Variants in LDLRAD3 observed in about 807,000 individuals in gnomAD.
LDLRAD3 encodes the protein low density lipoprotein receptor class A domain containing 3.
LDLRAD3 carries 20 observed loss-of-function variants against 29.4 expected under a neutral mutation model. The ratio of observed to expected loss-of-function variants is 0.68; its 90% CI spans 0.48 to 0.99. The LOEUF is 0.99. Among genes scored for constraint, LDLRAD3 ranks in the 50% least tolerant of loss-of-function variants. The pLI, the probability that LDLRAD3 is intolerant of heterozygous loss-of-function variation, is 0.00. For missense variants in LDLRAD3, 420 were observed against 454.3 expected, an observed-to-expected ratio of 0.92 and a Z score of 0.69; for synonymous variants, 157 against 192.7, an observed-to-expected ratio of 0.81 and a Z score of 1.53.
chr11:35,947,659 A>G (rs1339058092), intron 1 of LDLRAD3, among the ~76,000 whole-genome samples: 2 of 152,210 alleles, frequency 1.3e-5, no homozygotes, highest in Non-Finnish European at 2.9e-5. Context: ...TGCCAAGGAT[A>G]TCATGTGGCA....
intron 1 of LDLRAD3, among the ~76,000 whole-genome samples, chr11:36,001,784 T>C (rs1010311759): frequency 4.0e-5 from 6 of 149,012 alleles, no homozygotes; most frequent in African/African-American, 1.5e-4. Context: ...TGTGTGTGTG[T>C]GTGTGTGTGC....
chr11:36,088,403 A>G (rs1853227666), intron 3 of LDLRAD3, among the ~76,000 whole-genome samples: 3 of 152,050 alleles, frequency 2.0e-5, no homozygotes. Flanking sequence ...AAATTGATTC[A>G]AGCTGAAGAT....
chr11:36,193,865 A>C (rs1854992648), intron 4 of LDLRAD3, among the ~76,000 whole-genome samples: 1 of 152,100 alleles, frequency 6.6e-6, no homozygotes, highest in South Asian at 2.1e-4. Context: ...ATTTGGATTC[A>C]GATCTTAGCT....
At chr11:35,957,225 A>G (rs573440167) in intron 1 of LDLRAD3, among the ~76,000 whole-genome samples, 19 of 152,344 alleles carry the variant, frequency 1.2e-4, no homozygotes, top group African/African-American at 4.6e-4. Flanking sequence ...CGTGGAATAT[A>G]ATTTCATGTC....
At chr11:36,206,357 A>C (rs1003721685) in intron 4 of LDLRAD3, among the ~76,000 whole-genome samples, 1 of 152,236 alleles carries the variant, frequency 6.6e-6, no homozygotes, top group Non-Finnish European at 1.5e-5. Flanking sequence ...GGTTATAAAC[A>C]TGACTGAGAG....
chr11:36,172,178 A>G (rs1301306507), intron 4 of LDLRAD3, among the ~76,000 whole-genome samples: 2 of 152,190 alleles, frequency 1.3e-5, no homozygotes, highest in African/African-American at 4.8e-5. Flanking sequence ...TTGATTTTGT[A>G]TCCTGAAACT....
intron 4 of LDLRAD3, among the ~76,000 whole-genome samples, chr11:36,110,774 A>G (rs552995002): frequency 7.2e-5 from 11 of 152,374 alleles, no homozygotes; most frequent in Admixed American, 7.2e-4. Flanking sequence ...CCTGCAGATA[A>G]TTACCCTCAA....
At chr11:36,008,599 T>TA (rs1413087209) in intron 1 of LDLRAD3, among the ~76,000 whole-genome samples, 1 of 152,200 alleles carries the variant, frequency 6.6e-6, no homozygotes, top group Admixed American at 6.5e-5. Context: ...AATATATATA[T>TA]TTTTTATCTG....
intron 1 of LDLRAD3, among the ~76,000 whole-genome samples, chr11:36,032,231 C>T (rs1296555201): frequency 6.6e-6 from 1 of 152,154 alleles, no homozygotes; most frequent in African/African-American, 2.4e-5. Flanking sequence ...ACAATTGAGC[C>T]TGTTACACAG....
intron 1 of LDLRAD3, among the ~76,000 whole-genome samples, chr11:35,954,516 C>T (rs954453148): frequency 1.3e-5 from 2 of 152,116 alleles, no homozygotes; most frequent in African/African-American, 4.8e-5. Flanking sequence ...GTAAGTTACC[C>T]TACAAGAAGG....
chr11:35,978,477 TCTTGATGTACTAAACTC>T (rs1467716011), intron 1 of LDLRAD3, among the ~76,000 whole-genome samples: 6 of 152,174 alleles, frequency 3.9e-5, no homozygotes, highest in Admixed American at 6.5e-5. Flanking sequence ...TGGTAGCTCT[TCTTGATGTACTAAACTC>T]CTTGATTCAA....
intron 4 of LDLRAD3, among the ~76,000 whole-genome samples, chr11:36,103,349 T>G (rs1853478770): frequency 6.6e-6 from 1 of 150,696 alleles, no homozygotes; most frequent in African/African-American, 2.4e-5. Context: ...ACCATTCTCC[T>G]GCCTCAGCCT....
chr11:36,176,412 G>A (rs1220050759), intron 4 of LDLRAD3, among the ~76,000 whole-genome samples: 2 of 151,446 alleles, frequency 1.3e-5, no homozygotes, highest in Non-Finnish European at 2.9e-5. Context: ...AGGCCCTGTG[G>A]GATTTATGCT....
At chr11:36,164,616 G>C (rs1352014054) in intron 4 of LDLRAD3, among the ~76,000 whole-genome samples, 1 of 152,238 alleles carries the variant, frequency 6.6e-6, no homozygotes, top group African/African-American at 2.4e-5. Flanking sequence ...AGCCCTGTGT[G>C]GCAGATCCCC....
chr11:35,992,934 A>G (rs1851707921), intron 1 of LDLRAD3, among the ~76,000 whole-genome samples: 1 of 152,234 alleles, frequency 6.6e-6, no homozygotes, highest in Non-Finnish European at 1.5e-5. Flanking sequence ...GAATCAAAAC[A>G]TACCCTTCAT....
intron 2 of LDLRAD3, among the ~76,000 whole-genome samples, chr11:36,077,158 A>T (rs147421897): frequency 6.6e-6 from 1 of 152,220 alleles, no homozygotes; most frequent in East Asian, 1.9e-4. Context: ...TCATCCTGTT[A>T]TCTTGTCTGA....
intron 1 of LDLRAD3, chr11:35,972,877 C>T (rs1375513133): frequency 1.3e-5 from 2 of 151,688 alleles, no homozygotes; most frequent in African/African-American, 4.8e-5. Context: ...ACAGTGAAAC[C>T]CCGTCTCTAC....
intron 1 of LDLRAD3, among the ~76,000 whole-genome samples, chr11:36,003,913 G>A (rs1455597306): frequency 1.3e-5 from 2 of 151,990 alleles, no homozygotes; most frequent in African/African-American, 4.8e-5. Context: ...GAGTGAAGGG[G>A]GAAGTGCCAC....
intron 4 of LDLRAD3, among the ~76,000 whole-genome samples, chr11:36,144,265 ATC>A (rs1255610473): frequency 5.3e-5 from 8 of 151,318 alleles, no homozygotes; most frequent in Non-Finnish European, 1.0e-4. Context: ...CAGTGGCGTG[ATC>A]TCGGCTCGCT....
Sources: gnomAD v4.1 joint callset for allele counts (sites outside exome capture counted in the v4.1 genomes callset) on GRCh38, gnomAD v4.1.1 for gene constraint, MANE v1.5 for transcripts, NCBI Gene and HGNC (gene_info 2026-07-23, HGNC 2026-07-21) for gene names.